Variants in CTDP1 observed in about 807,000 individuals in gnomAD.
CTDP1 encodes CTD phosphatase 1.
CTDP1 carries 47 observed loss-of-function variants against 91.8 expected under a neutral mutation model. The ratio of observed to expected loss-of-function variants is 0.51; its 90% CI spans 0.41 to 0.65. The LOEUF is 0.65. CTDP1 is among the 30% of genes least tolerant of loss of function. CTDP1 has a pLI of 0.00. For missense variants in CTDP1, 1,272 were observed against 1,373.7 expected (o/e 0.93, Z 1.17); for synonymous variants, 656 against 598.5 (o/e 1.10, Z -1.40).
chr18:79,687,869 G>C (rs1316182894), intron 1 of CTDP1, among the ~76,000 whole-genome samples: 3 of 152,194 alleles, frequency 2.0e-5, no homozygotes, highest in East Asian at 1.9e-4. Context: ...GAGGGCAGTA[G>C]GGTCTGAATG....
At chr18:79,717,440 ACAGCCAGGTGAGGGCCCTGGTGGGTG>A in intron 8 of CTDP1, 69 bp from the exon 9 acceptor site, 1 of 1,542,518 alleles carries the variant, frequency 6.5e-7, no homozygotes, top group Admixed American at 1.7e-5. Flanking sequence ...CTGGTGGGGT[ACAGCCAGGTGAGGGCCCTGGTGGGTG>A]CAGCCGGATG....
rs1171376183 is a variant in CTDP1 at position 79,712,695 on chromosome 18, C to T, written c.864-277C>T. On this transcript the variant is annotated intron_variant, in intron 6 of 12. Coordinates refer to ENST00000613122, the MANE Select transcript of CTDP1 (RefSeq NM_004715.5). ...CCACACGGTCAGAGTTGGGTTTCGT[C>T]CCCGTGGCCCGTAATGCCTAAAATA... is the stretch of plus-strand genomic sequence containing the variant. 2.0e-5 allele frequency among the ~76,000 whole-genome samples: 3 copies of T among 152,166 alleles called. No individual in the cohort carries two copies. In the East Asian group the frequency reaches 5.8e-4, roughly 29 times the overall value.
rs1041518244 is a variant in CTDP1 at position 79,754,267 on chromosome 18, G to C, written c.*477G>C. On this transcript the variant is annotated 3_prime_UTR_variant, in exon 13 of 13. Transcript: ENST00000613122. ...GCTCCCTCCTAGGGAACCCATTTCC[G>C]GGGAACGCCGTGACTGTCGGGCAGC... The C allele has an allele frequency of 5.0e-6, 1 of 199,988 alleles. No homozygotes were observed. The highest frequency in any genetic ancestry group is 1.0e-5 in the Non-Finnish European group (1 of 95,610). The allele number at this position is 199,988 out of a possible 1,614,324, so 12.4% of individuals were successfully genotyped here.
chr18:79,698,811 C>G (rs79919325), intron 4 of CTDP1, among the ~76,000 whole-genome samples: 7,299 of 152,312 alleles, frequency 0.048, 235 homozygotes, highest in Non-Finnish European at 0.073. Flanking sequence ...ATAGCAGACA[C>G]CCAGCAGGCT....
At chr18:79,679,605 C>A (rs1019481871), upstream of CTDP1, 2 of 477,568 alleles carry the variant, frequency 4.2e-6, no homozygotes, top group South Asian at 3.1e-5. Context: ...GCGACAGCGG[C>A]CCGCGTTGCA....
chr18:79,712,693 G>A (rs1036000883), intron 6 of CTDP1, among the ~76,000 whole-genome samples: 12 of 152,158 alleles, frequency 7.9e-5, no homozygotes, highest in African/African-American at 2.9e-4. Flanking sequence ...GTTGGGTTTC[G>A]TCCCCGTGGC....
At chr18:79,695,074 GC>G in intron 1 of CTDP1, 150 bp from the exon 2 acceptor site, 1 of 723,666 alleles carries the variant, frequency 1.4e-6, no homozygotes, top group Non-Finnish European at 2.5e-6. Flanking sequence ...ACAAAGAAAT[GC>G]CCTCAAGGGG....
chr18:79,714,610 C>T lies in CTDP1; in HGVS notation c.1150C>T (p.Leu384=), dbSNP rs774977125. 1.7e-5 allele frequency: 28 copies of T among 1,612,958 alleles called. No homozygotes were observed. The highest frequency in any genetic ancestry group is 2.2e-5 in the Non-Finnish European group (26 of 1,180,006). ...TGGCCTGGAGAAGCCTGCACGGGAG[C>T]TGAACGGCAGCGAGGCCGCCACCCC... ...SNGLEKPARE[L]NGSEAATPRD... The change falls in exon 8 of 13, where the codon CTG becomes TTG. Residue 384 remains leucine, a synonymous_variant. Transcript: ENST00000613122.
intron 12 of CTDP1, among the ~76,000 whole-genome samples, chr18:79,738,255 G>A (rs912076022): frequency 1.6e-4 from 25 of 152,210 alleles, no homozygotes; most frequent in African/African-American, 4.6e-4. Flanking sequence ...GAGGCCGTCC[G>A]AGGTAACCTC....
chr18:79,733,792 G>T (rs1011710016), intron 11 of CTDP1, among the ~76,000 whole-genome samples: 5 of 152,260 alleles, frequency 3.3e-5, no homozygotes, highest in Non-Finnish European at 7.4e-5. Flanking sequence ...TTTATTCTGT[G>T]ATCCAGGGTC....
chr18:79,740,944 C>T lies in CTDP1; in HGVS notation c.2747+4423C>T, dbSNP rs1029796523. 1.4e-4 allele frequency among the ~76,000 whole-genome samples: 22 copies of T among 152,160 alleles called. 1 individual carries two copies. The highest frequency in any genetic ancestry group is 2.0e-4 in the Admixed American group (3 of 15,282). ...TTCCAGGTACCGAAAAGAACAGGCG[C>T]CCAGGTGAGGTGAGGTCTCCTGCAC... On this transcript the variant is annotated intron_variant, in intron 12 of 12. Transcript: ENST00000613122.
chr18:79,717,631 A>G lies in CTDP1; in HGVS notation c.2165A>G (p.Glu722Gly). ...WSCLERWDKV[E>G]EQLFPLRDDH... ...TGCCTGGAGCGCTGGGACAAGGTGG[A>G]GGAGCAGCTCTTCCCGCTCAGGGAC... The change falls in exon 9 of 13, where the codon GAG becomes GGG. Residue 722 changes from glutamate (E) to glycine (G), a missense_variant. Physicochemically the swap from Glu to Gly is moderately conservative, Grantham distance 98. Transcript: ENST00000613122. 6.2e-7 allele frequency: 1 copy of G among 1,613,996 alleles called. No individual in the cohort carries two copies. The highest frequency in any genetic ancestry group is 8.5e-7 in the Non-Finnish European group (1 of 1,179,966).
At chr18:79,705,555 C>T (rs757198295) in intron 5 of CTDP1, among the ~76,000 whole-genome samples, 5 of 151,806 alleles carry the variant, frequency 3.3e-5, no homozygotes, top group Non-Finnish European at 5.9e-5. Context: ...GAAGCAACGT[C>T]TGTCCCACGT....
chr18:79,741,615 C>T (rs604853), intron 12 of CTDP1, among the ~76,000 whole-genome samples: 59,909 of 152,116 alleles, frequency 0.39, 13,990 homozygotes, highest in Admixed American at 0.51. Context: ...AACAGCACCA[C>T]GTTTTAAAGG....
intron 8 of CTDP1, among the ~76,000 whole-genome samples, chr18:79,716,677 C>T (rs968370188): frequency 8.5e-5 from 13 of 152,214 alleles, no homozygotes; most frequent in African/African-American, 2.4e-4. Context: ...GGCCAGGGTC[C>T]TCCTTGGCCC....
intron 10 of CTDP1, among the ~76,000 whole-genome samples, chr18:79,720,848 C>T (rs2086330541): frequency 6.6e-6 from 1 of 152,208 alleles, no homozygotes; most frequent in Admixed American, 6.5e-5. Flanking sequence ...CTCGGACCCC[C>T]AGGCCACCTC....
intron 5 of CTDP1, among the ~76,000 whole-genome samples, chr18:79,707,869 C>T (rs1277769647): frequency 6.6e-6 from 1 of 152,142 alleles, no homozygotes; most frequent in Non-Finnish European, 1.5e-5. Context: ...TTGAAAGTGA[C>T]CGTGTTGATA....
chr18:79,685,738 T>C (rs150214997), intron 1 of CTDP1: 1 of 152,306 alleles, frequency 6.6e-6, no homozygotes, highest in East Asian at 1.9e-4. Context: ...GCCTCTGAAA[T>C]TCTAAATGTG....
chr18:79,728,380 A>G (rs1238263169), intron 10 of CTDP1, among the ~76,000 whole-genome samples: 1 of 152,226 alleles, frequency 6.6e-6, no homozygotes, highest in Non-Finnish European at 1.5e-5. Context: ...CTTTACAAGC[A>G]TGAGCCACCG....
Sources: gnomAD v4.1 joint callset for allele counts (sites outside exome capture counted in the v4.1 genomes callset) on GRCh38, gnomAD v4.1.1 for gene constraint, MANE v1.5 for transcripts, NCBI Gene and HGNC (gene_info 2026-07-23, HGNC 2026-07-21) for gene names.